Variants in C1QTNF3 observed in about 807,000 individuals in gnomAD.
The protein encoded by C1QTNF3 is C1q and TNF related 3, also known as complement C1q tumor necrosis factor-related protein 3.
In C1QTNF3, 26 loss-of-function variants were observed where a neutral mutation model predicts 32.6. The ratio of observed to expected loss-of-function variants is 0.80; its 90% CI spans 0.58 to 1.11. C1QTNF3 has a LOEUF of 1.11. Ranked by LOEUF, C1QTNF3 falls within the 50% of genes least tolerant of loss-of-function variation. C1QTNF3 has a pLI of 0.00. For missense variants in C1QTNF3, 362 were observed against 398.2 expected (o/e 0.91, Z 0.77); for synonymous variants, 155 against 146.0 (o/e 1.06, Z -0.44).
the C1QTNF3 span, among the ~76,000 whole-genome samples, chr5:34,108,080 T>A: frequency 3.3e-5 from 5 of 151,712 alleles, no homozygotes; most frequent in South Asian, 2.1e-4. Flanking sequence ...GAGCCCCCCC[T>A]CTCCTGCCCC....
the C1QTNF3 span, among the ~76,000 whole-genome samples, chr5:34,214,208 C>A: frequency 6.6e-6 from 1 of 151,818 alleles, no homozygotes; most frequent in Non-Finnish European, 1.5e-5. Flanking sequence ...ACGGAAAAAG[C>A]AATTTTTAAA....
At chr5:34,081,227 TA>T in the C1QTNF3 span, among the ~76,000 whole-genome samples, 2 of 151,566 alleles carry the variant, frequency 1.3e-5, no homozygotes, top group South Asian at 2.1e-4. Flanking sequence ...TTTATGACTA[TA>T]AAAAAATGAA....
intron 1 of C1QTNF3, among the ~76,000 whole-genome samples, chr5:34,037,412 G>C (rs1476931673): frequency 6.6e-6 from 1 of 152,204 alleles, no homozygotes; most frequent in Non-Finnish European, 1.5e-5. Context: ...TTTAAGCAGA[G>C]AACTGGATCA....
chr5:34,214,166 A>G, the C1QTNF3 span, among the ~76,000 whole-genome samples: 1 of 152,026 alleles, frequency 6.6e-6, no homozygotes. Context: ...CATACAATTA[A>G]GACTTTGATA....
intron 3 of C1QTNF3, among the ~76,000 whole-genome samples, chr5:34,029,303 C>CT (rs772432732): frequency 1.1e-3 from 153 of 145,636 alleles, no homozygotes; most frequent in Admixed American, 1.2e-3. Flanking sequence ...CTATTAATTT[C>CT]TTTTTTTTTT....
At chr5:34,111,099 A>G in the C1QTNF3 span, among the ~76,000 whole-genome samples, 1 of 152,026 alleles carries the variant, frequency 6.6e-6, no homozygotes, top group African/African-American at 2.4e-5. Flanking sequence ...TCTTGAAAGT[A>G]TAAAACCATA....
the C1QTNF3 span, among the ~76,000 whole-genome samples, chr5:34,235,546 CTTT>C: frequency 2.0e-4 from 21 of 103,920 alleles, no homozygotes; most frequent in Middle Eastern, 0.011. Flanking sequence ...ATTTCTTTTT[CTTT>C]TTTTTTTTTT....
intron 1 of C1QTNF3, among the ~76,000 whole-genome samples, chr5:34,038,377 T>C (rs953894857): frequency 2.6e-5 from 4 of 152,086 alleles, no homozygotes; most frequent in Admixed American, 2.0e-4. Flanking sequence ...ATGATCCTTC[T>C]GAACTTAGGT....
the C1QTNF3 span, among the ~76,000 whole-genome samples, chr5:34,125,864 A>C: frequency 3.7e-4 from 57 of 152,288 alleles, no homozygotes; most frequent in African/African-American, 1.4e-3. Flanking sequence ...TCAATACTAA[A>C]TTTATTTAGC....
At chr5:34,156,564 CTATT>C in the C1QTNF3 span, among the ~76,000 whole-genome samples, 2 of 152,142 alleles carry the variant, frequency 1.3e-5, no homozygotes, top group Non-Finnish European at 2.9e-5. Context: ...AGAAATAAAT[CTATT>C]TATGGGAGTG....
At chr5:34,097,212 C>A in the C1QTNF3 span, among the ~76,000 whole-genome samples, 5 of 151,240 alleles carry the variant, frequency 3.3e-5, no homozygotes, top group African/African-American at 7.3e-5. Flanking sequence ...AAAAAAAAAA[C>A]CGAAACATTT....
At chr5:34,211,337 G>A in the C1QTNF3 span, among the ~76,000 whole-genome samples, 6 of 151,914 alleles carry the variant, frequency 3.9e-5, no homozygotes, top group African/African-American at 7.3e-5. Flanking sequence ...TAGGATCTTA[G>A]ATGAGTTTAT....
chr5:34,114,220 G>C, the C1QTNF3 span, among the ~76,000 whole-genome samples: 3 of 152,044 alleles, frequency 2.0e-5, no homozygotes, highest in African/African-American at 7.2e-5. Context: ...TTCTTTACAG[G>C]GGGTCAGTGA....
At chr5:34,119,524 C>A in the C1QTNF3 span, among the ~76,000 whole-genome samples, 1 of 152,100 alleles carries the variant, frequency 6.6e-6, no homozygotes, top group Admixed American at 6.6e-5. Context: ...GCACTTACAA[C>A]AAACTTTCTG....
the C1QTNF3 span, among the ~76,000 whole-genome samples, chr5:34,123,231 TG>T: frequency 6.6e-6 from 1 of 152,170 alleles, no homozygotes; most frequent in Non-Finnish European, 1.5e-5. Context: ...GGGGCAAGGC[TG>T]CCTCCATGAA....
upstream of C1QTNF3, chr5:34,043,216 G>C (rs1579613780): frequency 3.7e-6 from 5 of 1,355,686 alleles, no homozygotes; most frequent in South Asian, 1.4e-5. Flanking sequence ...CTGGAGCTGA[G>C]AGCTGCAGCG....
chr5:34,054,703 G>C, the C1QTNF3 span, among the ~76,000 whole-genome samples: 1 of 152,084 alleles, frequency 6.6e-6, no homozygotes, highest in Non-Finnish European at 1.5e-5. Context: ...TGGAAAAATA[G>C]AATTTTTAAA....
At chr5:34,065,321 T>G in the C1QTNF3 span, among the ~76,000 whole-genome samples, 1,400 of 151,772 alleles carry the variant, frequency 9.2e-3, 14 homozygotes, top group South Asian at 0.055. Context: ...AAAATGCAAA[T>G]CAAAACCACA....
chr5:34,050,823 A>AT, the C1QTNF3 span, among the ~76,000 whole-genome samples: 2 of 152,176 alleles, frequency 1.3e-5, no homozygotes, highest in African/African-American at 4.8e-5. Context: ...GAGAAACTGC[A>AT]TATGTCAGCT....
Sources: gnomAD v4.1 joint callset for allele counts (sites outside exome capture counted in the v4.1 genomes callset) on GRCh38, gnomAD v4.1.1 for gene constraint, MANE v1.5 for transcripts, NCBI Gene and HGNC (gene_info 2026-07-23, HGNC 2026-07-21) for gene names.